The following FARS2 variants were observed in gnomAD, a reference collection of about 807,000 sequenced individuals.
FARS2 encodes the protein phenylalanine--tRNA ligase, mitochondrial.
In FARS2, 40 loss-of-function variants were observed where a neutral mutation model predicts 46.4. The ratio of observed to expected loss-of-function variants is 0.86; its 90% confidence interval spans 0.67 to 1.12. The LOEUF is 1.12. FARS2 is among the 50% of genes most tolerant of loss of function. The pLI is 0.00. For synonymous variants in FARS2, 234 were observed against 214.9 expected (o/e 1.09, Z -0.78); for missense variants, 513 against 567.9 (o/e 0.90, Z 0.98).
Position 5,369,101 on chromosome 6 carries a change from C to T in FARS2, c.531C>T (p.Val177=), listed in dbSNP as rs779985517. Residue 177 remains valine, a synonymous_variant, in exon 2 of 7, where the codon GTC becomes GTT. Coordinates refer to ENST00000274680, the MANE Select transcript of FARS2 (RefSeq NM_006567.5). ...GLDAFLVVGD[V]YRRDQIDSQH... The stretch of plus-strand genomic sequence containing the variant: ...ATGCCTTCCTGGTGGTGGGTGATGT[C>T]TACAGGCGTGACCAGATCGACTCCC... 2.5e-6 allele frequency: 4 copies of T among 1,613,652 alleles called. No homozygotes were observed. In the South Asian group the frequency reaches 3.3e-5, roughly 13 times the overall value.
intron 6 of FARS2, among the ~76,000 whole-genome samples, chr6:5,696,761 A>G (rs1204154715): frequency 6.6e-6 from 1 of 152,202 alleles, no homozygotes; most frequent in Non-Finnish European, 1.5e-5. Flanking sequence ...ATTTTTTACT[A>G]TGAACATACA....
intron 5 of FARS2, chr6:5,610,276 G>T: frequency 4.6e-6 from 2 of 430,682 alleles, no homozygotes; most frequent in Admixed American, 3.8e-5. Context: ...CTGACGAATC[G>T]TATCTGTAGT....
intron 6 of FARS2, among the ~76,000 whole-genome samples, chr6:5,618,098 T>C (rs1260633410): frequency 6.6e-6 from 1 of 152,188 alleles, no homozygotes; most frequent in African/African-American, 2.4e-5. Context: ...CAAAGGAGCC[T>C]GGTTGTGTTC....
At chr6:5,358,661 TG>T (rs2127620512) in intron 1 of FARS2, among the ~76,000 whole-genome samples, 1 of 152,336 alleles carries the variant, frequency 6.6e-6, no homozygotes, top group Non-Finnish European at 1.5e-5. Context: ...AAAGAATGAT[TG>T]GGAATCACTA....
At chr6:5,685,141 A>G (rs1757096421) in intron 6 of FARS2, among the ~76,000 whole-genome samples, 1 of 151,350 alleles carries the variant, frequency 6.6e-6, no homozygotes, top group Non-Finnish European at 1.5e-5. Context: ...CGCAAGCAGA[A>G]TGGAAGCAAA....
Position 5,471,725 on chromosome 6 carries a change from T to G in FARS2, c.904+40553T>G, listed in dbSNP as rs977004039. Reference sequence around the variant, plus strand: ...CTTGTTGGCTCATATTATGTGGTGATTAGAGCTGGGCTTCAATCAGCTGGA... The same window carrying G: ...CTTGTTGGCTCATATTATGTGGTGAGTAGAGCTGGGCTTCAATCAGCTGGA... On this transcript the variant is annotated intron_variant, in intron 4 of 6. Transcript: ENST00000274680. This position sits in a 1 kb window ranked among gnomAD's most constrained non-coding sequence, Gnocchi z 4.1. 4.6e-5 allele frequency among the ~76,000 whole-genome samples: 7 copies of G among 152,190 alleles called. No homozygotes were observed. Among genetic ancestry groups the G allele is most frequent in the African/African-American group, 1.7e-4 (7 of 41,440 alleles).
chr6:5,717,387 G>GTA (rs1304976782), intron 6 of FARS2, among the ~76,000 whole-genome samples: 1 of 150,884 alleles, frequency 6.6e-6, no homozygotes, highest in Non-Finnish European at 1.5e-5. Flanking sequence ...GTGTGTGTGT[G>GTA]TGTCTATGTA....
rs142699800 is a variant in FARS2, at chr6:5,536,515, G to A, written c.905-8665G>A. ...AGATAAAAAAGCAGAACCCTATAAG[G>A]AGGTCAAGAATGCAGAATATTAATA... On this transcript the variant is annotated intron_variant, in intron 4 of 6. Transcript: ENST00000274680. 6.3e-3 allele frequency among the ~76,000 whole-genome samples: 964 copies of A among 152,208 alleles called. 7 individuals carry two copies. The highest frequency in any genetic ancestry group is 0.014 in the Middle Eastern group (4 of 294).
rs564850974 is a variant in FARS2, at chr6:5,343,478, C to T, written c.-21-25072C>T. Among the ~76,000 whole-genome samples, 10 of 152,264 alleles carry T rather than the reference C, an allele frequency of 6.6e-5. No individual in the cohort carries two copies. In the South Asian group the frequency reaches 2.1e-3, roughly 32 times the overall value. The stretch of plus-strand genomic sequence containing the variant: ...CCACCCGCCTCGGCCTCTGAAAGTG[C>T]TGGGATTACAGGCGTGAACCACCGC... On this transcript the variant is annotated intron_variant, in intron 1 of 6. Coordinates refer to ENST00000274680, the MANE Select transcript of FARS2 (RefSeq NM_006567.5). This position sits in a 1 kb window ranked among gnomAD's most constrained non-coding sequence, Gnocchi z 4.5.
intron 1 of FARS2, among the ~76,000 whole-genome samples, chr6:5,284,370 G>T (rs1766965799): frequency 6.6e-6 from 1 of 152,080 alleles, no homozygotes; most frequent in Admixed American, 6.5e-5. Context: ...TTTAACTTTG[G>T]TCCAATGTCT....
At chr6:5,315,741 C>CTTTCTTTCTTTCTTT (rs755531154) in intron 1 of FARS2, among the ~76,000 whole-genome samples, 6 of 59,994 alleles carry the variant, frequency 1.0e-4, no homozygotes, top group African/African-American at 1.3e-4. Flanking sequence ...TTTCTTTTTT[C>CTTTCTTTCTTTCTTT]CTTTCTTTCT....
At chr6:5,456,500 G>A (rs183888) in intron 4 of FARS2, among the ~76,000 whole-genome samples, 109,333 of 151,726 alleles carry the variant, frequency 0.72, 39,721 homozygotes, top group East Asian at 0.92. Context: ...TTGGGAGGCC[G>A]AGGCAGGCGG....
chr6:5,626,614 A>G lies in FARS2; in HGVS notation c.1217+13294A>G, dbSNP rs185685185. Among the ~76,000 whole-genome samples, 47 of 152,270 alleles carry G rather than the reference A, an allele frequency of 3.1e-4. 1 individual carries two copies. Among genetic ancestry groups the G allele is most frequent in the Admixed American group, 2.8e-3 (43 of 15,300 alleles). ...CACATCCTCCTTAGGCTTTCCCTCC[A>G]GGTAAACCCATGCAAATAAAGGTTT... is the stretch of plus-strand genomic sequence containing the variant. On this transcript the variant is annotated intron_variant, in intron 6 of 6. Transcript: ENST00000274680.
At position 5,756,186 on chromosome 6, in the gene FARS2, G is replaced by A. The variant is rs139305874; in HGVS notation, c.1218-15105G>A. Among the ~76,000 whole-genome samples the A allele has an allele frequency of 2.3e-3, 353 of 152,254 alleles. 1 individual carries two copies. The highest frequency in any genetic ancestry group is 8.0e-3 in the African/African-American group (332 of 41,552). On this transcript the variant is annotated intron_variant, in intron 6 of 6. Coordinates refer to ENST00000274680, the MANE Select transcript of FARS2 (RefSeq NM_006567.5). ...ATAATGGATACTTTCTCTGCTCCAG[G>A]TAGCTACAGCATTGGGCACTTACTG...
rs1776253834 is a variant in FARS2, at chr6:5,630,624, T to G, written c.1217+17304T>G. On this transcript the variant is annotated intron_variant, in intron 6 of 6. Transcript: ENST00000274680. The surrounding 1 kb of genome is among the most constrained non-coding windows in gnomAD (Gnocchi z 4.2). ...CAGGGAAGTTTCACGTTGCTGTCAT[T>G]TACCCGTTCTGATTTTCCTTCCTCG... Among the ~76,000 whole-genome samples the G allele has an allele frequency of 2.0e-5, 3 of 152,196 alleles. No individual in the cohort carries two copies. Among genetic ancestry groups the G allele is most frequent in the Non-Finnish European group, 2.9e-5 (2 of 68,046 alleles).
At chr6:5,739,911 T>C (rs1761222492) in intron 6 of FARS2, among the ~76,000 whole-genome samples, 1 of 152,204 alleles carries the variant, frequency 6.6e-6, no homozygotes, top group Non-Finnish European at 1.5e-5. Flanking sequence ...CTTGCATCAT[T>C]TGATTTAATC....
intron 2 of FARS2, among the ~76,000 whole-genome samples, chr6:5,370,341 C>T (rs143638307): frequency 2.6e-5 from 4 of 151,988 alleles, no homozygotes; most frequent in South Asian, 2.1e-4. Context: ...AAAGGCCATC[C>T]GTGCTGGATC....
intron 1 of FARS2, among the ~76,000 whole-genome samples, chr6:5,286,064 A>C (rs992891071): frequency 3.9e-5 from 6 of 152,148 alleles, no homozygotes; most frequent in African/African-American, 1.4e-4. Context: ...GGATAAAGGT[A>C]ACCTTTTTCG....
chr6:5,281,073 A>T (rs990903986), intron 1 of FARS2, among the ~76,000 whole-genome samples: 1 of 152,234 alleles, frequency 6.6e-6, no homozygotes, highest in African/African-American at 2.4e-5. Context: ...CGAGTCTTCC[A>T]CAATTTCCTT....
Sources: allele counts gnomAD v4.1 joint callset (sites outside exome capture counted in the v4.1 genomes callset), GRCh38; gene constraint gnomAD v4.1.1; non-coding constraint Gnocchi (gnomAD v3.1); transcripts MANE v1.5; gene names NCBI Gene and HGNC (gene_info 2026-07-23, HGNC 2026-07-21).